The following ILRUN variants were observed in gnomAD, a reference collection of about 807,000 sequenced individuals.
The protein encoded by ILRUN is inflammation and lipid regulator with UBA-like and NBR1-like domains, also known as protein ILRUN.
ILRUN carries 3 observed loss-of-function variants against 33.8 expected under a neutral mutation model. The observed-to-expected ratio is 0.09, with a 90% CI of 0.04 to 0.23. The LOEUF is 0.23. Ranked by LOEUF, ILRUN falls within the 10% of genes least tolerant of loss-of-function variation. The pLI, the probability that ILRUN is intolerant of heterozygous loss-of-function variation, is 1.00. For missense variants in ILRUN, 210 were observed against 375.1 expected (o/e 0.56, Z 3.64); for synonymous variants, 124 against 138.9 (o/e 0.89, Z 0.75).
intron 3 of ILRUN, among the ~76,000 whole-genome samples, chr6:34,619,809 ACC>A (rs966576817): frequency 2.6e-5 from 4 of 151,914 alleles, no homozygotes; most frequent in African/African-American, 9.7e-5. Context: ...ACATGGTGAA[ACC>A]CCGTCTCTAC....
At chr6:34,654,385 G>T (rs773751909) in intron 2 of ILRUN, among the ~76,000 whole-genome samples, 2 of 152,174 alleles carry the variant, frequency 1.3e-5, no homozygotes, top group Non-Finnish European at 2.9e-5. Flanking sequence ...ATTGTGTTTA[G>T]ATGCCATTAA....
intron 4 of ILRUN, among the ~76,000 whole-genome samples, chr6:34,604,540 T>C (rs968169838): frequency 1.3e-5 from 2 of 152,202 alleles, no homozygotes; most frequent in African/African-American, 2.4e-5. Context: ...TGCCTTAATG[T>C]TCATCTTCCC....
intron 1 of ILRUN, among the ~76,000 whole-genome samples, chr6:34,661,818 C>T (rs1762891334): frequency 6.6e-6 from 1 of 151,962 alleles, no homozygotes; most frequent in Non-Finnish European, 1.5e-5. Flanking sequence ...ATGGAAGGTA[C>T]AAAGCCAATT....
chr6:34,681,568 A>G (rs1763357867), intron 1 of ILRUN, among the ~76,000 whole-genome samples: 1 of 152,214 alleles, frequency 6.6e-6, no homozygotes, highest in African/African-American at 2.4e-5. Context: ...GTTTGAGACC[A>G]GTCTGCCAAC....
intron 1 of ILRUN, among the ~76,000 whole-genome samples, chr6:34,687,333 T>C (rs1265635813): frequency 6.6e-6 from 1 of 152,036 alleles, no homozygotes; most frequent in African/African-American, 2.4e-5. Context: ...AATTAGTAAT[T>C]AGAAAAATAA....
intron 1 of ILRUN, among the ~76,000 whole-genome samples, chr6:34,689,507 C>T (rs577310325): frequency 2.0e-5 from 3 of 152,030 alleles, no homozygotes; most frequent in Non-Finnish European, 4.4e-5. Flanking sequence ...TGTAGCCCTT[C>T]CTTACCCTCT....
At chr6:34,679,987 C>A (rs766513313) in intron 1 of ILRUN, among the ~76,000 whole-genome samples, 4 of 152,248 alleles carry the variant, frequency 2.6e-5, no homozygotes, top group Non-Finnish European at 5.9e-5. Flanking sequence ...CAAATTGGAA[C>A]TTCTAGTTTC....
chr6:34,659,474 TTTC>T (rs895917578), intron 1 of ILRUN, among the ~76,000 whole-genome samples: 3 of 152,124 alleles, frequency 2.0e-5, no homozygotes, highest in African/African-American at 7.2e-5. Context: ...AACATCTGAT[TTTC>T]TTAACATACT....
Position 34,590,510 on chromosome 6 carries a change from C to A in ILRUN, c.*55G>T. Reference sequence around the variant, plus strand: ...ATCCAGAGGAACCCCTTGCCCTAACCCCCCAAAGTCAGGCCTTCTGTCTTT... The same window carrying A: ...ATCCAGAGGAACCCCTTGCCCTAACACCCCAAAGTCAGGCCTTCTGTCTTT... On this transcript the variant is annotated 3_prime_UTR_variant, in exon 5 of 5. Coordinates refer to ENST00000374023, the MANE Select transcript of ILRUN (RefSeq NM_024294.4). 1 of 1,612,532 alleles carries A rather than the reference C, an allele frequency of 6.2e-7. No homozygotes were observed. The highest frequency in any genetic ancestry group is 1.1e-5 in the South Asian group (1 of 90,890).
At position 34,587,311 on chromosome 6, in the gene ILRUN, T is replaced by C. The variant is rs971333442; in HGVS notation, c.*3254A>G. 2 of 152,650 alleles carry C rather than the reference T, an allele frequency of 1.3e-5. No individual in the cohort carries two copies. The highest frequency in any genetic ancestry group is 4.8e-5 in the African/African-American group (2 of 41,460). The allele number at this position is 152,650 out of a possible 1,614,324, so 9.5% of individuals were successfully genotyped here. A position where few individuals can be genotyped will look rare whatever the true frequency, so the allele number is the denominator to read the frequency against. On this transcript the variant is annotated 3_prime_UTR_variant, in exon 5 of 5. Coordinates refer to ENST00000374023, the MANE Select transcript of ILRUN (RefSeq NM_024294.4). The stretch of plus-strand genomic sequence containing the variant: ...GCTTTTTTTGGTGTGTGTGTTAATT[T>C]AATCATACAAATATTCATTTATACA...
At chr6:34,603,896 A>G (rs1404769641) in intron 4 of ILRUN, among the ~76,000 whole-genome samples, 1 of 152,018 alleles carries the variant, frequency 6.6e-6, no homozygotes, top group African/African-American at 2.4e-5. Context: ...TACTTCCTAC[A>G]CCCTATTCTA....
At chr6:34,680,290 AC>A (rs1328906130) in intron 1 of ILRUN, among the ~76,000 whole-genome samples, 1 of 152,228 alleles carries the variant, frequency 6.6e-6, no homozygotes, top group East Asian at 1.9e-4. Flanking sequence ...TAAATGCCCC[AC>A]TTTTATAAAG....
intron 2 of ILRUN, among the ~76,000 whole-genome samples, chr6:34,648,393 T>C (rs953098861): frequency 3.3e-5 from 5 of 151,948 alleles, no homozygotes; most frequent in African/African-American, 1.2e-4. Flanking sequence ...GCAACCAGAG[T>C]TCTACTCCTG....
At chr6:34,673,783 T>C (rs934520635) in intron 1 of ILRUN, among the ~76,000 whole-genome samples, 51 of 151,726 alleles carry the variant, frequency 3.4e-4, no homozygotes, top group African/African-American at 1.2e-3. Flanking sequence ...GCTGTGATCA[T>C]GCCGCTGGGT....
At chr6:34,624,166 A>G (rs1191672127) in intron 3 of ILRUN, among the ~76,000 whole-genome samples, 1 of 152,100 alleles carries the variant, frequency 6.6e-6, no homozygotes, top group Non-Finnish European at 1.5e-5. Flanking sequence ...ACCAACCAGT[A>G]TAATTGGGAC....
At chr6:34,664,049 T>C (rs778121635) in intron 1 of ILRUN, among the ~76,000 whole-genome samples, 2 of 152,182 alleles carry the variant, frequency 1.3e-5, no homozygotes, top group Admixed American at 6.5e-5. Flanking sequence ...CTGTAGCCTC[T>C]GGAAGCAGGA....
chr6:34,602,557 C>T (rs1761531861), intron 4 of ILRUN, among the ~76,000 whole-genome samples: 3 of 152,104 alleles, frequency 2.0e-5, no homozygotes. Context: ...GGAGTGAGCA[C>T]CTATGCTACC....
At chr6:34,643,329 G>T (rs1380537357) in intron 3 of ILRUN, among the ~76,000 whole-genome samples, 2 of 151,700 alleles carry the variant, frequency 1.3e-5, no homozygotes, top group Non-Finnish European at 2.9e-5. Context: ...GTGTGTGTGT[G>T]TGTGTTAGTT....
intron 3 of ILRUN, among the ~76,000 whole-genome samples, chr6:34,634,000 C>T (rs1562011076): frequency 6.6e-6 from 1 of 151,832 alleles, no homozygotes; most frequent in Non-Finnish European, 1.5e-5. Context: ...GAGCACATGC[C>T]TGTAATCCTA....
Sources: gnomAD v4.1 joint callset for allele counts (sites outside exome capture counted in the v4.1 genomes callset) on GRCh38, gnomAD v4.1.1 for gene constraint, MANE v1.5 for transcripts, NCBI Gene and HGNC (gene_info 2026-07-23, HGNC 2026-07-21) for gene names.